SPOCK1: variants seen among roughly 807,000 people sequenced by gnomAD.
SPOCK1 encodes SPARC (osteonectin), cwcv and kazal like domains proteoglycan 1.
A neutral mutation model predicts 55.3 loss-of-function variants in SPOCK1; 23 were observed. The observed-to-expected ratio is 0.42, with a 90% CI of 0.30 to 0.59. The LOEUF (loss-of-function observed/expected upper bound fraction) is 0.59. Among genes scored for constraint, SPOCK1 ranks in the 20% least tolerant of loss-of-function variants. SPOCK1 has a pLI of 0.22. For missense variants in SPOCK1, 499 were observed against 552.5 expected, an observed-to-expected ratio of 0.90 and a Z score of 0.97; for synonymous variants, 226 against 221.0, an observed-to-expected ratio of 1.02 and a Z score of -0.20.
chr5:137,234,194 C>T (rs1250595770), intron 3 of SPOCK1, among the ~76,000 whole-genome samples: 2 of 152,164 alleles, frequency 1.3e-5, no homozygotes, highest in Admixed American at 6.5e-5. Context: ...GCTGATGGCC[C>T]CCAGACACTG....
At chr5:137,075,366 C>T (rs921458639) in intron 5 of SPOCK1, among the ~76,000 whole-genome samples, 10 of 152,152 alleles carry the variant, frequency 6.6e-5, no homozygotes, top group African/African-American at 9.7e-5. Flanking sequence ...TCCTGCAGCT[C>T]CCGCTAGAGG....
chr5:137,390,024 T>G (rs954817278), intron 2 of SPOCK1, among the ~76,000 whole-genome samples: 1 of 152,018 alleles, frequency 6.6e-6, no homozygotes, highest in Non-Finnish European at 1.5e-5. Flanking sequence ...TCCACCCAGG[T>G]TCAAGCAGAA....
At chr5:137,378,760 T>A (rs190678445) in intron 2 of SPOCK1, among the ~76,000 whole-genome samples, 106 of 152,260 alleles carry the variant, frequency 7.0e-4, no homozygotes, top group African/African-American at 2.5e-3. Context: ...TTATATAGAC[T>A]AGCTAGCAAC....
In SPOCK1 at chr5:137,031,635, C is replaced by A. The variant is rs146030204; in HGVS notation, c.589+36080G>T. ...TTTTGGGTCTTGTTTCAAAGATATT[C>A]CATTTTAACACATTCCTTCTAACAA... On this transcript the variant is annotated intron_variant, in intron 6 of 10. Coordinates refer to ENST00000394945, the MANE Select transcript of SPOCK1 (RefSeq NM_004598.4). Among the ~76,000 whole-genome samples, 105 of 152,284 alleles carry A rather than the reference C, an allele frequency of 6.9e-4. 1 individual carries two copies. Among genetic ancestry groups the A allele is most frequent in the African/African-American group, 2.5e-3 (102 of 41,550 alleles).
intron 4 of SPOCK1, among the ~76,000 whole-genome samples, chr5:137,118,914 C>T (rs1753639429): frequency 6.6e-6 from 1 of 152,220 alleles, no homozygotes; most frequent in African/African-American, 2.4e-5. Flanking sequence ...CAGCAGTCAA[C>T]TTGTTTCGTG....
intron 2 of SPOCK1, among the ~76,000 whole-genome samples, chr5:137,272,760 G>C (rs1055941766): frequency 9.9e-6 from 1 of 101,464 alleles, no homozygotes; most frequent in African/African-American, 3.8e-5. Context: ...ACACACACAC[G>C]GGCCTAGGCC....
At chr5:137,002,164 T>G (rs752811879) in intron 6 of SPOCK1, among the ~76,000 whole-genome samples, 23 of 152,140 alleles carry the variant, frequency 1.5e-4, no homozygotes, top group Admixed American at 5.9e-4. Flanking sequence ...GACATTAAAC[T>G]TGGAATAAGA....
At chr5:137,449,903 AAAAAAAAAAAAAAAG>A (rs1205958272) in intron 2 of SPOCK1, among the ~76,000 whole-genome samples, 2 of 144,246 alleles carry the variant, frequency 1.4e-5, no homozygotes, top group East Asian at 3.9e-4. Context: ...AAAAAAAAAA[AAAAAAAAAAAAAAAG>A]AAAGAAAGAA....
At chr5:137,165,473 C>A (rs981617909) in intron 3 of SPOCK1, among the ~76,000 whole-genome samples, 1 of 152,184 alleles carries the variant, frequency 6.6e-6, no homozygotes, top group African/African-American at 2.4e-5. Flanking sequence ...ACTGCAAAGA[C>A]TGCAGTAAAT....
rs940955550 is a variant in SPOCK1, at chr5:137,046,430, G to T, written c.589+21285C>A. 1.9e-3 allele frequency among the ~76,000 whole-genome samples: 292 copies of T among 152,216 alleles called. 2 individuals carry two copies. Among genetic ancestry groups the T allele is most frequent in the Non-Finnish European group, 3.0e-3 (202 of 68,020 alleles). On this transcript the variant is annotated intron_variant, in intron 6 of 10. Coordinates refer to ENST00000394945, the MANE Select transcript of SPOCK1 (RefSeq NM_004598.4). ...CAATTGTGAATGGGAGTTCACTCAT[G>T]ATTTGGCTCTCCTGTTATTGGTGTA...
At chr5:137,217,483 C>T (rs1755740497) in intron 3 of SPOCK1, among the ~76,000 whole-genome samples, 1 of 152,326 alleles carries the variant, frequency 6.6e-6, no homozygotes, top group Admixed American at 6.5e-5. Flanking sequence ...ATGGACTCTG[C>T]GATTGCTTCC....
At chr5:137,303,143 G>A (rs906686758) in intron 2 of SPOCK1, among the ~76,000 whole-genome samples, 1 of 152,086 alleles carries the variant, frequency 6.6e-6, no homozygotes, top group Non-Finnish European at 1.5e-5. Context: ...TGCCTCTGGG[G>A]TTATTGTACA....
intron 2 of SPOCK1, among the ~76,000 whole-genome samples, chr5:137,408,889 C>A (rs914707695): frequency 6.6e-6 from 1 of 151,946 alleles, no homozygotes; most frequent in Non-Finnish European, 1.5e-5. Context: ...TTTCCTCAAC[C>A]AAAAAAATGG....
intron 6 of SPOCK1, among the ~76,000 whole-genome samples, chr5:137,056,674 T>C (rs568441134): frequency 6.6e-6 from 1 of 152,176 alleles, no homozygotes; most frequent in African/African-American, 2.4e-5. Context: ...ACATCTGTTT[T>C]TGAGTGAAGC....
intron 3 of SPOCK1, among the ~76,000 whole-genome samples, chr5:137,244,952 C>G (rs1008545480): frequency 3.9e-5 from 6 of 152,158 alleles, no homozygotes; most frequent in Non-Finnish European, 8.8e-5. Context: ...TTACCAATGT[C>G]CAGGACAAAG....
rs560114303 is a variant in SPOCK1 at position 137,067,700 on chromosome 5, G to C, written c.589+15C>G. ...ATTCCTGCCCACGAATTCTCTGAAG[G>C]AAACCCTCACTCACCACTCCTTTCT... On this transcript the variant is annotated intron_variant, in intron 6 of 10. Coordinates refer to ENST00000394945, the MANE Select transcript of SPOCK1 (RefSeq NM_004598.4). The C allele has an allele frequency of 2.1e-4, 331 of 1,610,702 alleles. 4 individuals carry two copies. In the South Asian group the frequency reaches 3.4e-3, roughly 16 times the overall value.
intron 4 of SPOCK1, among the ~76,000 whole-genome samples, chr5:137,128,920 C>T (rs1753825561): frequency 6.6e-6 from 1 of 152,224 alleles, no homozygotes; most frequent in Admixed American, 6.5e-5. Context: ...AGTCTACAAG[C>T]TCAATGAGGA....
chr5:137,108,571 T>C (rs1055497633), intron 5 of SPOCK1, among the ~76,000 whole-genome samples: 2 of 152,148 alleles, frequency 1.3e-5, no homozygotes, highest in Non-Finnish European at 2.9e-5. Context: ...ACTCCCACTA[T>C]CCTTGTCTTT....
intron 2 of SPOCK1, among the ~76,000 whole-genome samples, chr5:137,288,349 T>C (rs549978708): frequency 2.0e-5 from 3 of 152,216 alleles, no homozygotes; most frequent in South Asian, 4.2e-4. Context: ...ACATACCCAA[T>C]CCTAACTCTG....
Sources: gnomAD v4.1 joint callset for allele counts (sites outside exome capture counted in the v4.1 genomes callset) on GRCh38, gnomAD v4.1.1 for gene constraint, MANE v1.5 for transcripts, NCBI Gene and HGNC (gene_info 2026-07-23, HGNC 2026-07-21) for gene names.